GIGYF2: variants seen among roughly 807,000 people sequenced by gnomAD.
GIGYF2 encodes GRB10 interacting GYF protein 2, also known as GRB10-interacting GYF protein 2.
GIGYF2 carries 25 observed loss-of-function variants against 208.1 expected under a neutral mutation model. The ratio of observed to expected loss-of-function variants is 0.12; its 90% CI spans 0.09 to 0.17. The LOEUF (loss-of-function observed/expected upper bound fraction) is 0.17, where lower values mean the gene tolerates loss of function less well. Ranked by LOEUF, GIGYF2 falls within the 10% of genes least tolerant of loss-of-function variation. The pLI, the probability that GIGYF2 is intolerant of heterozygous loss-of-function variation, is 1.00. For synonymous variants in GIGYF2, 534 were observed against 543.8 expected (o/e 0.98, Z 0.25); for missense variants, 1,302 against 1,579.4 (o/e 0.82, Z 2.98).
At position 232,773,830 on chromosome 2, in the gene GIGYF2, G is replaced by T. The variant is rs1040337513; in HGVS notation, c.532+12394G>T. ...AAACGTGTCTGGCTCCCAGCACTTC[G>T]GGAGGCCGAGACAGGAGGATTGCTT... On this transcript the variant is annotated intron_variant, in intron 8 of 28. Transcript: ENST00000373563. Among the ~76,000 whole-genome samples the T allele has an allele frequency of 2.0e-5, 3 of 151,230 alleles. No individual in the cohort carries two copies. In the South Asian group the frequency reaches 6.3e-4, roughly 32 times the overall value.
intron 14 of GIGYF2, among the ~76,000 whole-genome samples, chr2:232,801,622 CATTTT>C (rs1291834701): frequency 6.6e-6 from 1 of 152,210 alleles, no homozygotes; most frequent in Non-Finnish European, 1.5e-5. Context: ...GCATACTAAT[CATTTT>C]ATAGTGAGAA....
At chr2:232,815,898 TCTC>T in intron 19 of GIGYF2, 161 bp downstream of exon 19, 2 of 602,662 alleles carry the variant, frequency 3.3e-6, no homozygotes, top group South Asian at 3.8e-5. Context: ...TGTGCTCTCT[TCTC>T]CCAAAAAAAA....
chr2:232,834,175 G>T (rs968971992), intron 22 of GIGYF2, among the ~76,000 whole-genome samples: 1 of 152,104 alleles, frequency 6.6e-6, no homozygotes, highest in African/African-American at 2.4e-5. Context: ...TCTGCAGTGC[G>T]CAGTAAGGTT....
At chr2:232,847,304 A>T (rs553127272) in intron 26 of GIGYF2, 44 bp from the exon 27 acceptor site, 36 of 1,598,322 alleles carry the variant, frequency 2.3e-5, no homozygotes, top group Non-Finnish European at 3.1e-5. Context: ...GTTCTCTTTC[A>T]TTATTTCATT....
intron 18 of GIGYF2, among the ~76,000 whole-genome samples, chr2:232,813,408 C>A (rs1700800679): frequency 6.6e-6 from 1 of 152,158 alleles, no homozygotes; most frequent in South Asian, 2.1e-4. Flanking sequence ...CAGGATTTCA[C>A]CATTGTGGCC....
chr2:232,720,584 T>TA (rs397952817), intron 2 of GIGYF2, among the ~76,000 whole-genome samples: 14,190 of 84,970 alleles, frequency 0.17, 832 homozygotes, highest in Non-Finnish European at 0.2. Flanking sequence ...TATATATATA[T>TA]TTTTGTTTGT....
chr2:232,720,953 GT>G (rs1388147549), intron 2 of GIGYF2, among the ~76,000 whole-genome samples: 1 of 152,128 alleles, frequency 6.6e-6, no homozygotes, highest in African/African-American at 2.4e-5. Flanking sequence ...CTTGTTTGAA[GT>G]CCTTATCCCT....
At chr2:232,728,367 A>T (rs189553234) in intron 2 of GIGYF2, among the ~76,000 whole-genome samples, 2 of 152,232 alleles carry the variant, frequency 1.3e-5, no homozygotes, top group Non-Finnish European at 2.9e-5. Flanking sequence ...AGGCCCAGTC[A>T]GGGAAGCAAA....
intron 5 of GIGYF2, among the ~76,000 whole-genome samples, chr2:232,754,236 T>C (rs1698447430): frequency 6.6e-6 from 1 of 151,736 alleles, no homozygotes; most frequent in Non-Finnish European, 1.5e-5. Flanking sequence ...GAATTTTACA[T>C]GTAGAGGACC....
At chr2:232,709,528 A>G (rs1431642575) in intron 2 of GIGYF2, among the ~76,000 whole-genome samples, 1 of 152,080 alleles carries the variant, frequency 6.6e-6, no homozygotes, top group Non-Finnish European at 1.5e-5. Context: ...TTTTTCATAG[A>G]GGCCGGGCGC....
rs757756498 is a variant in GIGYF2 at position 232,847,457 on chromosome 2, G to A, written c.3570G>A (p.Gln1190=). 4 of 1,613,906 alleles carry A rather than the reference G, an allele frequency of 2.5e-6. No individual in the cohort carries two copies. Among genetic ancestry groups the A allele is most frequent in the Non-Finnish European group, 3.4e-6 (4 of 1,180,046 alleles). The change falls in exon 27 of 29, where the codon CAG becomes CAA. Residue 1190 remains glutamine (Q), a synonymous_variant. Coordinates refer to ENST00000373563, the MANE Select transcript of GIGYF2 (RefSeq NM_001103146.3). ...DTSEAKEFAK[Q]FLERRAKQKA... is the part of the protein sequence containing the mutation. ...CTGAGGCCAAGGAGTTTGCCAAGCAGTTCCTTGAGCGCCGTGCCAAACAGA... is the reference window on the plus strand; with the variant it reads ...CTGAGGCCAAGGAGTTTGCCAAGCAATTCCTTGAGCGCCGTGCCAAACAGA...
intron 5 of GIGYF2, among the ~76,000 whole-genome samples, chr2:232,749,540 G>A (rs1357227237): frequency 6.6e-6 from 1 of 152,046 alleles, no homozygotes; most frequent in Admixed American, 6.6e-5. Flanking sequence ...AGAGAGTGAT[G>A]TGAGAAAGTA....
chr2:232,841,671 A>G (rs761729055), intron 23 of GIGYF2, among the ~76,000 whole-genome samples: 11 of 151,926 alleles, frequency 7.2e-5, no homozygotes, highest in South Asian at 2.1e-4. Context: ...TGTACCCTTT[A>G]TAAGGGTGCC....
chr2:232,749,630 G>A (rs1469651586), intron 5 of GIGYF2, among the ~76,000 whole-genome samples: 1 of 152,046 alleles, frequency 6.6e-6, no homozygotes, highest in Non-Finnish European at 1.5e-5. Context: ...GAAAATAAAA[G>A]AGTTTCTGAT....
At chr2:232,712,435 C>T (rs551690745) in intron 2 of GIGYF2, among the ~76,000 whole-genome samples, 1 of 152,090 alleles carries the variant, frequency 6.6e-6, no homozygotes, top group Admixed American at 6.5e-5. Flanking sequence ...CATGGGCATT[C>T]GTAATAAAAG....
In GIGYF2 at chr2:232,844,409, G is replaced by A; in HGVS notation, c.3140G>A (p.Gly1047Asp). ...LHTSIGNSVW[G>D]SINTGPPNQW... ...ACCAGCATTGGGAATTCTGTTTGGG[G>A]CTCTATAAATACTGGTCCTCCTAAC... is the stretch of plus-strand genomic sequence containing the variant. The change falls in exon 25 of 29, where the codon GGC (glycine) becomes GAC (aspartate). Residue 1047 changes from glycine to aspartate, a missense_variant. Around this residue, in one of 8 missense-constraint regions of GIGYF2, gnomAD observed 701 missense variants for 793.0 expected, o/e 0.88. Transcript: ENST00000373563. 6.2e-7 allele frequency: 1 copy of A among 1,613,834 alleles called. No individual in the cohort carries two copies. Among genetic ancestry groups the A allele is most frequent in the Non-Finnish European group, 8.5e-7 (1 of 1,179,744 alleles).
chr2:232,742,492 G>A, intron 3 of GIGYF2, among the ~76,000 whole-genome samples: 1 of 152,172 alleles, frequency 6.6e-6, no homozygotes. Flanking sequence ...AGTGAGCTGA[G>A]CTGAGCTGAG....
At chr2:232,768,307 G>C (rs1196144448) in intron 8 of GIGYF2, 1 of 1,614,102 alleles carries the variant, frequency 6.2e-7, no homozygotes, top group Non-Finnish European at 8.5e-7. Flanking sequence ...GGAAATTCAG[G>C]GACAGTCTTG....
At chr2:232,805,633 A>G (rs1700539094) in intron 14 of GIGYF2, among the ~76,000 whole-genome samples, 1 of 152,140 alleles carries the variant, frequency 6.6e-6, no homozygotes, top group South Asian at 2.1e-4. Context: ...TGGCTTCTTC[A>G]TCTCCAAATC....
Sources: gnomAD v4.1 joint callset for allele counts (sites outside exome capture counted in the v4.1 genomes callset) on GRCh38, gnomAD v4.1.1 for gene constraint, gnomAD v4.1.1 regional missense constraint, MANE v1.5 for transcripts, NCBI Gene and HGNC (gene_info 2026-07-23, HGNC 2026-07-21) for gene names.